Variants in ANKRD6 observed in about 807,000 individuals in gnomAD.
The protein encoded by ANKRD6 is ankyrin repeat domain 6, also known as ankyrin repeat domain-containing protein 6.
ANKRD6 carries 56 observed loss-of-function variants against 82.3 expected under a neutral mutation model. The observed-to-expected ratio is 0.68, with a 90% CI of 0.55 to 0.85. ANKRD6 has a LOEUF of 0.85. ANKRD6 is among the 40% of genes least tolerant of loss of function. The pLI, the probability that ANKRD6 is intolerant of heterozygous loss-of-function variation, is 0.00. For synonymous variants in ANKRD6, 347 were observed against 352.1 expected (o/e 0.99, Z 0.16); for missense variants, 852 against 907.6 (o/e 0.94, Z 0.79).
chr6:89,629,468 A>G (rs1806836561), intron 15 of ANKRD6: 2 of 573,864 alleles, frequency 3.5e-6, no homozygotes, highest in South Asian at 1.8e-5. Context: ...AAGGAATTAA[A>G]GAATTGTTGA....
chr6:89,486,576 G>A (rs546196887), intron 1 of ANKRD6, among the ~76,000 whole-genome samples: 1 of 152,100 alleles, frequency 6.6e-6, no homozygotes, highest in African/African-American at 2.4e-5. Flanking sequence ...TGAGAGCTGG[G>A]ACATTTGAGA....
chr6:89,599,719 A>G (rs1796673477), intron 3 of ANKRD6, among the ~76,000 whole-genome samples: 1 of 152,204 alleles, frequency 6.6e-6, no homozygotes, highest in African/African-American at 2.4e-5. Context: ...TATTGTTTAC[A>G]TGTTTCATGT....
At chr6:89,537,897 A>AG (rs1237800287) in intron 1 of ANKRD6, among the ~76,000 whole-genome samples, 1 of 136,192 alleles carries the variant, frequency 7.3e-6, no homozygotes, top group Non-Finnish European at 1.5e-5. Context: ...AAAAAAAAAA[A>AG]AAAGAAAAGA....
At chr6:89,600,590 G>A (rs1386609711) in intron 3 of ANKRD6, among the ~76,000 whole-genome samples, 1 of 152,186 alleles carries the variant, frequency 6.6e-6, no homozygotes, top group African/African-American at 2.4e-5. Context: ...CTGAAAGCGT[G>A]AGCTGCAGTC....
chr6:89,572,292 G>A (rs1305080718), intron 2 of ANKRD6, among the ~76,000 whole-genome samples: 2 of 152,180 alleles, frequency 1.3e-5, no homozygotes, highest in African/African-American at 4.8e-5. Flanking sequence ...TAGATACCAA[G>A]GAGTGCAGTT....
intron 10 of ANKRD6, among the ~76,000 whole-genome samples, chr6:89,622,848 T>A (rs1005119916): frequency 6.6e-6 from 1 of 152,104 alleles, no homozygotes; most frequent in Non-Finnish European, 1.5e-5. Context: ...TTCACAATCC[T>A]CTCATCAATT....
intron 2 of ANKRD6, among the ~76,000 whole-genome samples, chr6:89,589,824 C>G (rs993521484): frequency 9.2e-5 from 14 of 152,178 alleles, no homozygotes; most frequent in African/African-American, 3.1e-4. Flanking sequence ...CGCAACATCT[C>G]AAGACCCTTT....
chr6:89,535,076 G>A (rs1249533391), intron 1 of ANKRD6, among the ~76,000 whole-genome samples: 1 of 151,732 alleles, frequency 6.6e-6, no homozygotes, highest in Non-Finnish European at 1.5e-5. Flanking sequence ...TTCTTTGGGG[G>A]GAAAAAAAGG....
intron 9 of ANKRD6, chr6:89,621,307 T>G (rs963328709): frequency 9.7e-5 from 15 of 154,794 alleles, no homozygotes; most frequent in African/African-American, 3.6e-4. Context: ...AGATCTGTTC[T>G]GACCCACCTA....
At chr6:89,530,983 A>T (rs184447399) in intron 1 of ANKRD6, among the ~76,000 whole-genome samples, 15 of 152,346 alleles carry the variant, frequency 9.8e-5, no homozygotes, top group Admixed American at 8.5e-4. Context: ...TGTTTTCATG[A>T]CACATACGCA....
In ANKRD6 at chr6:89,571,281, C is replaced by T. The variant is rs573890274; in HGVS notation, c.120+4185C>T. Among the ~76,000 whole-genome samples, 17 of 152,244 alleles carry T rather than the reference C, an allele frequency of 1.1e-4. No individual in the cohort carries two copies. In the East Asian group the frequency reaches 3.3e-3, roughly 29 times the overall value. On this transcript the variant is annotated intron_variant, in intron 2 of 15. Coordinates refer to ENST00000339746, the MANE Select transcript of ANKRD6 (RefSeq NM_001242809.2). ...TGTTAGCCAGGGGTGGTCTCGATCT[C>T]CTGACCTCGTGATCCGCTGGCCTTG...
chr6:89,585,232 A>T (rs1019351944), intron 2 of ANKRD6, among the ~76,000 whole-genome samples: 1 of 152,074 alleles, frequency 6.6e-6, no homozygotes, highest in African/African-American at 2.4e-5. Flanking sequence ...AAAAGCATCT[A>T]AAAAAAACCA....
At chr6:89,606,701 C>CA (rs1376855234) in intron 5 of ANKRD6, among the ~76,000 whole-genome samples, 1 of 151,974 alleles carries the variant, frequency 6.6e-6, no homozygotes, top group East Asian at 1.9e-4. Context: ...AATAAAAATA[C>CA]AAAAATTATC....
chr6:89,496,382 C>A (rs576040162), intron 1 of ANKRD6, among the ~76,000 whole-genome samples: 1 of 152,268 alleles, frequency 6.6e-6, no homozygotes, highest in African/African-American at 2.4e-5. Flanking sequence ...TTGCAGGAAA[C>A]TCACTGAAGT....
At chr6:89,534,598 C>T (rs1783600291) in intron 1 of ANKRD6, among the ~76,000 whole-genome samples, 1 of 152,154 alleles carries the variant, frequency 6.6e-6, no homozygotes, top group African/African-American at 2.4e-5. Flanking sequence ...CCTCTCCTAT[C>T]TACTCATCCA....
At chr6:89,518,537 G>A (rs915263034) in intron 1 of ANKRD6, among the ~76,000 whole-genome samples, 3 of 152,164 alleles carry the variant, frequency 2.0e-5, no homozygotes, top group Admixed American at 6.5e-5. Context: ...CTTCCCTGAG[G>A]AAGAAATGAT....
intron 1 of ANKRD6, among the ~76,000 whole-genome samples, chr6:89,564,810 G>A (rs766498901): frequency 7.9e-5 from 12 of 152,210 alleles, no homozygotes; most frequent in Non-Finnish European, 1.6e-4. Context: ...GTTCTAGAAT[G>A]GAAGGGGGCC....
chr6:89,526,463 A>G (rs1026659830), intron 1 of ANKRD6, among the ~76,000 whole-genome samples: 4 of 152,290 alleles, frequency 2.6e-5, no homozygotes, highest in South Asian at 2.1e-4. Context: ...AGGCTCTAAA[A>G]TGTGTCTTCT....
intron 1 of ANKRD6, among the ~76,000 whole-genome samples, chr6:89,503,570 C>A (rs546621471): frequency 1.3e-5 from 2 of 152,234 alleles, no homozygotes; most frequent in African/African-American, 4.8e-5. Context: ...TCATCAAATT[C>A]AATAAATATT....
Sources: allele counts gnomAD v4.1 joint callset (sites outside exome capture counted in the v4.1 genomes callset), GRCh38; gene constraint gnomAD v4.1.1; transcripts MANE v1.5; gene names NCBI Gene and HGNC (gene_info 2026-07-23, HGNC 2026-07-21).